LRBA: variants seen among roughly 807,000 people sequenced by gnomAD.
The protein encoded by LRBA is LPS responsive beige-like anchor protein, also known as lipopolysaccharide-responsive and beige-like anchor protein.
LRBA carries 176 observed loss-of-function variants against 330.0 expected under a neutral mutation model. The ratio of observed to expected loss-of-function variants is 0.53; its 90% confidence interval spans 0.47 to 0.60. LRBA has a LOEUF of 0.60. LRBA is among the 20% of genes least tolerant of loss of function. The pLI is 0.00. For synonymous variants in LRBA, 1,230 were observed against 1,193.0 expected (o/e 1.03, Z -0.64); for missense variants, 3,259 against 3,444.8 (o/e 0.95, Z 1.35).
At chr4:150,380,588 T>A (rs996191562) in intron 47 of LRBA, among the ~76,000 whole-genome samples, 27 of 151,704 alleles carry the variant, frequency 1.8e-4, no homozygotes, top group African/African-American at 6.5e-4. Context: ...AAAAAAAAAA[T>A]TGCAGTTTAT....
chr4:150,717,701 A>AATAATAATAATAATAATAATCATC (rs890794296), intron 36 of LRBA, among the ~76,000 whole-genome samples: 16 of 148,048 alleles, frequency 1.1e-4, no homozygotes, highest in Admixed American at 7.4e-4. Context: ...TAATAATAAT[A>AATAATAATAATAATAATAATCATC]ATCAGTGCTT....
intron 50 of LRBA, 93 bp from the exon 51 acceptor site, chr4:150,315,716 T>C (rs1731641009): frequency 1.0e-5 from 8 of 766,800 alleles, no homozygotes; most frequent in Middle Eastern, 2.6e-4. Context: ...TAGAATTGTT[T>C]CCAATCTCTA....
At chr4:150,905,034 T>C (rs892917400) in intron 13 of LRBA, among the ~76,000 whole-genome samples, 1 of 152,130 alleles carries the variant, frequency 6.6e-6, no homozygotes, top group South Asian at 2.1e-4. Context: ...AATTATGCAA[T>C]TTAATAAAAT....
At chr4:150,872,941 A>C (rs1276584266) in intron 17 of LRBA, among the ~76,000 whole-genome samples, 186 bp from the exon 18 acceptor site, 3 of 152,166 alleles carry the variant, frequency 2.0e-5, no homozygotes, top group African/African-American at 7.2e-5. Flanking sequence ...GAAAACTAAG[A>C]AATGAGAAGA....
chr4:150,622,688 CTTTTTTTTTTTTTTT>C (rs10528461), intron 37 of LRBA, among the ~76,000 whole-genome samples: 1 of 105,662 alleles, frequency 9.5e-6, no homozygotes. Flanking sequence ...CTAAATCAAT[CTTTTTTTTTTTTTTT>C]TTTTTTTTTT....
At chr4:150,387,925 T>C (rs1461317507) in intron 47 of LRBA, among the ~76,000 whole-genome samples, 2 of 152,162 alleles carry the variant, frequency 1.3e-5, no homozygotes, top group Non-Finnish European at 2.9e-5. Flanking sequence ...TGATGATACA[T>C]AGAAAGTCAT....
At chr4:150,879,217 T>C (rs1169678840) in intron 17 of LRBA, among the ~76,000 whole-genome samples, 3 of 152,122 alleles carry the variant, frequency 2.0e-5, no homozygotes, top group Non-Finnish European at 4.4e-5. Flanking sequence ...TGGTTCAACA[T>C]ACACAAATCA....
intron 35 of LRBA, among the ~76,000 whole-genome samples, chr4:150,754,901 A>T (rs1734086249): frequency 1.3e-5 from 2 of 152,216 alleles, no homozygotes; most frequent in Non-Finnish European, 2.9e-5. Context: ...CCTCAATTCA[A>T]ATTTTATCTT....
intron 2 of LRBA, among the ~76,000 whole-genome samples, chr4:151,006,985 G>A (rs193012434): frequency 6.6e-6 from 1 of 152,262 alleles, no homozygotes; most frequent in Admixed American, 6.5e-5. Context: ...AAAGGGCCCA[G>A]AATAGCCAAA....
intron 40 of LRBA, among the ~76,000 whole-genome samples, chr4:150,541,926 C>A (rs1204916371): frequency 6.6e-6 from 1 of 152,080 alleles, no homozygotes; most frequent in African/African-American, 2.4e-5. Context: ...AAGCAATCCA[C>A]CTGCCTCGGG....
chr4:150,564,897 T>A (rs1271756686), intron 40 of LRBA, among the ~76,000 whole-genome samples: 2 of 152,080 alleles, frequency 1.3e-5, no homozygotes, highest in East Asian at 3.9e-4. Flanking sequence ...CTGGCGAAGC[T>A]ATGGAGAAAA....
At chr4:150,374,660 A>ATTTCAGATTTTTGAATTAGGGAT (rs1740964355) in intron 47 of LRBA, among the ~76,000 whole-genome samples, 2 of 152,222 alleles carry the variant, frequency 1.3e-5, no homozygotes, top group Non-Finnish European at 2.9e-5. Flanking sequence ...AGAATTTCAG[A>ATTTCAGATTTTTGAATTAGGGAT]TTTCAGATTT....
At chr4:150,541,839 T>A (rs1053852236) in intron 40 of LRBA, among the ~76,000 whole-genome samples, 1 of 152,034 alleles carries the variant, frequency 6.6e-6, no homozygotes, top group South Asian at 2.1e-4. Flanking sequence ...CTATCACACC[T>A]GGCTAATTTA....
intron 40 of LRBA, among the ~76,000 whole-genome samples, chr4:150,562,484 A>G (rs1355401783): frequency 6.6e-6 from 1 of 152,160 alleles, no homozygotes; most frequent in Non-Finnish European, 1.5e-5. Context: ...ATACATAGGC[A>G]TCCTCCCACA....
intron 37 of LRBA, among the ~76,000 whole-genome samples, chr4:150,633,945 T>C (rs964307998): frequency 9.9e-5 from 15 of 152,104 alleles, no homozygotes; most frequent in African/African-American, 3.6e-4. Flanking sequence ...TGAAACCCCA[T>C]CTCTACTAAA....
At chr4:150,863,563 G>A (rs1407168435) in intron 22 of LRBA, among the ~76,000 whole-genome samples, 1 of 152,192 alleles carries the variant, frequency 6.6e-6, no homozygotes, top group East Asian at 1.9e-4. Flanking sequence ...TCGGGAGGCT[G>A]AGGCATAACA....
chr4:150,817,721 T>C lies in LRBA; in HGVS notation c.5172-464A>G, dbSNP rs1578879062. On this transcript the variant is annotated intron_variant, in intron 30 of 56. Coordinates refer to ENST00000651943, the MANE Select transcript of LRBA (RefSeq NM_001364905.1). Reference sequence around the variant, plus strand: ...TTTCATTTTTAAACCCCAAAGACTATATCTTTTGATAATATATAAAAAAGC... The same window carrying C: ...TTTCATTTTTAAACCCCAAAGACTACATCTTTTGATAATATATAAAAAAGC... Among the ~76,000 whole-genome samples the C allele has an allele frequency of 2.6e-5, 4 of 151,800 alleles. No homozygotes were observed. In the South Asian group the frequency reaches 8.3e-4, roughly 32 times the overall value.
chr4:150,561,857 A>C (rs1419194976), intron 40 of LRBA, among the ~76,000 whole-genome samples: 1 of 152,162 alleles, frequency 6.6e-6, no homozygotes, highest in African/African-American at 2.4e-5. Context: ...TCATTGCAGG[A>C]ATCAATTCCT....
chr4:150,560,599 G>A (rs1041288150), intron 40 of LRBA, among the ~76,000 whole-genome samples: 1 of 152,062 alleles, frequency 6.6e-6, no homozygotes, highest in Admixed American at 6.6e-5. Context: ...TTGTTTAAAG[G>A]GTTTCTGTAG....
Sources: gnomAD v4.1 joint callset for allele counts (sites outside exome capture counted in the v4.1 genomes callset) on GRCh38, gnomAD v4.1.1 for gene constraint, MANE v1.5 for transcripts, NCBI Gene and HGNC (gene_info 2026-07-23, HGNC 2026-07-21) for gene names.